SPAG16: variants seen among roughly 807,000 people sequenced by gnomAD.
The protein encoded by SPAG16 is sperm associated antigen 16.
SPAG16 carries 86 observed loss-of-function variants against 80.4 expected under a neutral mutation model. The observed-to-expected ratio is 1.07, with a 90% CI of 0.90 to 1.28. The LOEUF is 1.28. SPAG16 is among the 50% of genes most tolerant of loss of function. The pLI is 0.00. For missense variants in SPAG16, 870 were observed against 765.3 expected, an observed-to-expected ratio of 1.14 and a Z score of -1.61; for synonymous variants, 294 against 265.9, an observed-to-expected ratio of 1.11 and a Z score of -1.03.
intron 10 of SPAG16, among the ~76,000 whole-genome samples, chr2:213,790,252 T>C (rs2070608794): frequency 6.6e-6 from 1 of 151,882 alleles, no homozygotes. Flanking sequence ...CACGATAGTT[T>C]CCAAAATTAT....
At chr2:214,136,952 C>T (rs1384214482) in intron 14 of SPAG16, among the ~76,000 whole-genome samples, 1 of 152,144 alleles carries the variant, frequency 6.6e-6, no homozygotes, top group Non-Finnish European at 1.5e-5. Context: ...GTTTCCCGGA[C>T]TTAATGTCTC....
chr2:213,774,728 A>G (rs1480319822), intron 10 of SPAG16, among the ~76,000 whole-genome samples: 2 of 152,164 alleles, frequency 1.3e-5, no homozygotes, highest in Non-Finnish European at 2.9e-5. Context: ...AGTCAATAAT[A>G]CCTGTGCCCT....
intron 10 of SPAG16, among the ~76,000 whole-genome samples, chr2:213,548,840 A>G (rs1242845617): frequency 2.6e-5 from 4 of 152,168 alleles, no homozygotes; most frequent in Non-Finnish European, 4.4e-5. Context: ...ATAAAAAATT[A>G]TAAAAACTGT....
intron 10 of SPAG16, among the ~76,000 whole-genome samples, chr2:213,507,445 A>G (rs1233471799): frequency 6.6e-6 from 1 of 152,248 alleles, no homozygotes; most frequent in African/African-American, 2.4e-5. Flanking sequence ...ACCAAACAAA[A>G]GAAAACACAT....
intron 8 of SPAG16, among the ~76,000 whole-genome samples, chr2:213,368,675 C>T (rs1034369191): frequency 6.6e-6 from 1 of 152,208 alleles, no homozygotes; most frequent in South Asian, 2.1e-4. Context: ...CCCATCATCT[C>T]AGCCCAAAAT....
At chr2:213,379,951 A>G (rs1353940890) in intron 9 of SPAG16, among the ~76,000 whole-genome samples, 6 of 152,176 alleles carry the variant, frequency 3.9e-5, no homozygotes, top group Non-Finnish European at 8.8e-5. Context: ...CCACTTGATT[A>G]TTAAAATCCT....
intron 10 of SPAG16, among the ~76,000 whole-genome samples, chr2:213,714,263 A>G (rs898756037): frequency 1.3e-5 from 2 of 152,208 alleles, no homozygotes; most frequent in African/African-American, 4.8e-5. Context: ...AGTGTACTCA[A>G]CTTTCTTTTG....
At chr2:214,123,044 G>C (rs1463198268) in intron 14 of SPAG16, among the ~76,000 whole-genome samples, 1 of 151,382 alleles carries the variant, frequency 6.6e-6, no homozygotes, top group East Asian at 1.9e-4. Context: ...ACTTTGGAAA[G>C]AAAATAATTT....
chr2:214,018,787 A>G (rs1396860201), intron 13 of SPAG16, among the ~76,000 whole-genome samples: 6 of 152,152 alleles, frequency 3.9e-5, no homozygotes, highest in East Asian at 1.9e-4. Context: ...TGACCAGTGG[A>G]TTATATTCCT....
chr2:213,918,343 A>G (rs1241946656), intron 11 of SPAG16, among the ~76,000 whole-genome samples: 1 of 152,132 alleles, frequency 6.6e-6, no homozygotes, highest in Non-Finnish European at 1.5e-5. Flanking sequence ...AGTAAGAGTG[A>G]TAGGAGCTCT....
chr2:213,816,174 A>G (rs1464844857), intron 10 of SPAG16, among the ~76,000 whole-genome samples: 1 of 152,174 alleles, frequency 6.6e-6, no homozygotes, highest in African/African-American at 2.4e-5. Context: ...ATCATACAGT[A>G]TATACTTTTT....
At chr2:213,835,173 A>G (rs981421919) in intron 10 of SPAG16, among the ~76,000 whole-genome samples, 7 of 152,154 alleles carry the variant, frequency 4.6e-5, no homozygotes, top group Admixed American at 3.3e-4. Flanking sequence ...GATTTTACAT[A>G]ACTTGCTGCA....
chr2:214,077,271 C>A (rs1296625231), intron 13 of SPAG16, among the ~76,000 whole-genome samples: 1 of 152,084 alleles, frequency 6.6e-6, no homozygotes, highest in African/African-American at 2.4e-5. Flanking sequence ...TCAAGGGATC[C>A]CGAGAGGATG....
At chr2:214,396,446 T>C (rs1443820184) in intron 15 of SPAG16, among the ~76,000 whole-genome samples, 1 of 152,146 alleles carries the variant, frequency 6.6e-6, no homozygotes, top group Non-Finnish European at 1.5e-5. Context: ...AATGACTACA[T>C]GGTAATAATG....
At chr2:214,041,189 G>A (rs2048987479) in intron 13 of SPAG16, among the ~76,000 whole-genome samples, 1 of 150,904 alleles carries the variant, frequency 6.6e-6, no homozygotes, top group Non-Finnish European at 1.5e-5. Flanking sequence ...TTTAGTGTTT[G>A]AATTTATGGT....
At chr2:213,315,050 A>G (rs1181144087) in intron 4 of SPAG16, among the ~76,000 whole-genome samples, 2 of 151,966 alleles carry the variant, frequency 1.3e-5, no homozygotes, top group East Asian at 3.8e-4. Flanking sequence ...TATGATTTAT[A>G]ATATGAAACT....
At position 213,935,258 on chromosome 2, in the gene SPAG16, T is replaced by C. The variant is rs552512635; in HGVS notation, c.1400+5113T>C. Among the ~76,000 whole-genome samples, 4 of 151,602 alleles carry C rather than the reference T, an allele frequency of 2.6e-5. No homozygotes were observed. The East Asian group carries it at 5.8e-4, about 22-fold the overall frequency. On this transcript the variant is annotated intron_variant, in intron 12 of 15. Coordinates refer to ENST00000331683, the MANE Select transcript of SPAG16 (RefSeq NM_024532.5). ...TTGGTTTGAGACATTATATTTCCAGTATATTTGTTACAGTATTTTTGCTTG... is the reference window on the plus strand; with the variant it reads ...TTGGTTTGAGACATTATATTTCCAGCATATTTGTTACAGTATTTTTGCTTG...
chr2:213,343,813 A>G (rs1048552001), intron 6 of SPAG16, among the ~76,000 whole-genome samples: 2 of 152,144 alleles, frequency 1.3e-5, no homozygotes, highest in African/African-American at 4.8e-5. Context: ...AAAAAAGCTG[A>G]AAAGAAATGA....
intron 13 of SPAG16, among the ~76,000 whole-genome samples, chr2:214,026,115 A>C (rs1575868788): frequency 6.6e-6 from 1 of 151,494 alleles, no homozygotes; most frequent in East Asian, 1.9e-4. Flanking sequence ...TTGTCCAAAA[A>C]CAGTTTCTTT....
Sources: gnomAD v4.1 joint callset for allele counts (sites outside exome capture counted in the v4.1 genomes callset) on GRCh38, gnomAD v4.1.1 for gene constraint, MANE v1.5 for transcripts, NCBI Gene and HGNC (gene_info 2026-07-23, HGNC 2026-07-21) for gene names.